The following NKAIN3 variants were observed in gnomAD, a reference collection of about 807,000 sequenced individuals.
The protein encoded by NKAIN3 is sodium/potassium transporting ATPase interacting 3.
In NKAIN3, 25 loss-of-function variants were observed where a neutral mutation model predicts 30.2. The ratio of observed to expected loss-of-function variants is 0.83; its 90% CI spans 0.60 to 1.16. The LOEUF is 1.16. Ranked by LOEUF, NKAIN3 falls within the 50% of genes most tolerant of loss-of-function variation. NKAIN3 has a pLI of 0.00. For missense variants in NKAIN3, 225 were observed against 254.1 expected (o/e 0.89, Z 0.78); for synonymous variants, 91 against 89.6 (o/e 1.02, Z -0.09).
intron 1 of NKAIN3, among the ~76,000 whole-genome samples, chr8:62,373,408 A>G (rs888042409): frequency 3.9e-5 from 6 of 152,216 alleles, no homozygotes; most frequent in African/African-American, 1.4e-4. Context: ...TCTTAGAGAA[A>G]ACATCAGAAA....
intron 4 of NKAIN3, among the ~76,000 whole-genome samples, chr8:62,800,317 G>A (rs114716237): frequency 0.018 from 2,762 of 152,226 alleles, 70 homozygotes; most frequent in African/African-American, 0.06. Context: ...ATTATTACTC[G>A]TGGAGGGGTT....
At chr8:62,450,702 T>A (rs1039574048) in intron 1 of NKAIN3, among the ~76,000 whole-genome samples, 3 of 152,172 alleles carry the variant, frequency 2.0e-5, no homozygotes, top group African/African-American at 7.2e-5. Context: ...GCTCCAGAAT[T>A]ATGGCTCCTA....
At chr8:62,631,356 T>G (rs1297972602) in intron 3 of NKAIN3, among the ~76,000 whole-genome samples, 2 of 152,176 alleles carry the variant, frequency 1.3e-5, no homozygotes, top group Non-Finnish European at 2.9e-5. Flanking sequence ...TTTCTCACCT[T>G]GGTGAGGGAT....
At chr8:62,630,644 C>G (rs915161676) in intron 3 of NKAIN3, among the ~76,000 whole-genome samples, 1 of 152,110 alleles carries the variant, frequency 6.6e-6, no homozygotes, top group East Asian at 1.9e-4. Flanking sequence ...ATTGCTTTCC[C>G]CAAGTCACTC....
At chr8:62,520,974 G>A (rs1405151741) in intron 1 of NKAIN3, among the ~76,000 whole-genome samples, 4 of 151,404 alleles carry the variant, frequency 2.6e-5, no homozygotes, top group Admixed American at 2.6e-4. Context: ...CATGGCATAA[G>A]AATCGTTAGA....
intron 4 of NKAIN3, among the ~76,000 whole-genome samples, chr8:62,813,828 G>A (rs879665789): frequency 7.9e-5 from 12 of 151,930 alleles, no homozygotes; most frequent in Non-Finnish European, 1.6e-4. Context: ...AGCATTTATT[G>A]CAGGGCCAGT....
intron 1 of NKAIN3, among the ~76,000 whole-genome samples, chr8:62,404,019 A>T (rs936308946): frequency 3.3e-4 from 50 of 152,388 alleles, no homozygotes; most frequent in African/African-American, 1.1e-3. Context: ...GATGTGAGAC[A>T]TGAAGTCAAA....
chr8:62,476,426 T>G (rs777717912), intron 1 of NKAIN3, among the ~76,000 whole-genome samples: 66 of 151,978 alleles, frequency 4.3e-4, no homozygotes, highest in Non-Finnish European at 5.7e-4. Flanking sequence ...TTTGTTTCTA[T>G]GGTGATTTTT....
chr8:62,507,922 A>G (rs1235103421), intron 1 of NKAIN3, among the ~76,000 whole-genome samples: 3 of 152,210 alleles, frequency 2.0e-5, no homozygotes, highest in Non-Finnish European at 4.4e-5. Context: ...CTCATGCACC[A>G]GTGCTTGAAA....
At chr8:62,670,963 CA>C (rs1813283303) in intron 3 of NKAIN3, among the ~76,000 whole-genome samples, 1 of 151,426 alleles carries the variant, frequency 6.6e-6, no homozygotes, top group Admixed American at 6.6e-5. Context: ...TTCCAGTCCT[CA>C]AAAATTGAAC....
At chr8:62,768,675 A>T (rs893802746) in intron 4 of NKAIN3, among the ~76,000 whole-genome samples, 17 of 152,184 alleles carry the variant, frequency 1.1e-4, no homozygotes, top group African/African-American at 4.1e-4. Context: ...GTTCCAACAT[A>T]ACCTACTCCA....
intron 1 of NKAIN3, among the ~76,000 whole-genome samples, chr8:62,477,588 A>G (rs928862336): frequency 6.6e-6 from 1 of 152,150 alleles, no homozygotes. Context: ...GGTGATAGAA[A>G]TAGTATTGCT....
chr8:62,366,394 T>G (rs1019642947), intron 1 of NKAIN3, among the ~76,000 whole-genome samples: 6 of 152,106 alleles, frequency 3.9e-5, no homozygotes, highest in Non-Finnish European at 7.4e-5. Context: ...AGTTGATTAA[T>G]TTTTGTATTT....
intron 4 of NKAIN3, among the ~76,000 whole-genome samples, chr8:62,882,916 T>C (rs1161760403): frequency 1.3e-5 from 2 of 152,186 alleles, no homozygotes; most frequent in Non-Finnish European, 2.9e-5. Flanking sequence ...TATTTGTCTA[T>C]TTCTGTGCCA....
chr8:62,925,882 A>T (rs1388814041), intron 5 of NKAIN3, among the ~76,000 whole-genome samples: 1 of 152,146 alleles, frequency 6.6e-6, no homozygotes, highest in Non-Finnish European at 1.5e-5. Context: ...CAGCCTCAGC[A>T]CTAAAACAGG....
chr8:62,324,745 A>C (rs1309660595), intron 1 of NKAIN3, among the ~76,000 whole-genome samples: 1 of 152,154 alleles, frequency 6.6e-6, no homozygotes, highest in Non-Finnish European at 1.5e-5. Context: ...TAGTAAGAGC[A>C]GTGGGATCTT....
chr8:62,730,004 G>A (rs902818113), intron 3 of NKAIN3, among the ~76,000 whole-genome samples: 5 of 152,198 alleles, frequency 3.3e-5, no homozygotes, highest in African/African-American at 4.8e-5. Flanking sequence ...CTGCATATGA[G>A]TGAACAACAT....
intron 3 of NKAIN3, among the ~76,000 whole-genome samples, chr8:62,649,168 G>C (rs545376166): frequency 3.3e-4 from 51 of 152,290 alleles, no homozygotes; most frequent in African/African-American, 1.1e-3. Context: ...AGTGTCAAAT[G>C]TTTCTTTCAA....
intron 6 of NKAIN3, among the ~76,000 whole-genome samples, chr8:62,962,999 C>T (rs535278783): frequency 6.6e-6 from 1 of 152,210 alleles, no homozygotes. Context: ...TCAAGGGATT[C>T]TCCTGCCTCA....
Sources: allele counts gnomAD v4.1 joint callset (sites outside exome capture counted in the v4.1 genomes callset), GRCh38; gene constraint gnomAD v4.1.1; transcripts MANE v1.5; gene names NCBI Gene and HGNC (gene_info 2026-07-23, HGNC 2026-07-21).